The following AAMDC variants were observed in gnomAD, a reference collection of about 807,000 sequenced individuals.
The protein encoded by AAMDC is mth938 domain-containing protein.
A neutral mutation model predicts 15.5 loss-of-function variants in AAMDC; 16 were observed. That is an observed-to-expected ratio of 1.03 (90% CI 0.70 to 1.57). AAMDC has a LOEUF of 1.57. AAMDC is among the 40% of genes most tolerant of loss of function. The pLI is 0.00. For missense variants in AAMDC, 141 were observed against 144.9 expected (o/e 0.97, Z 0.14); for synonymous variants, 51 against 51.6 (o/e 0.99, Z 0.05).
At chr11:77,887,779 C>T (rs1952081421) in intron 5 of AAMDC, among the ~76,000 whole-genome samples, 2 of 152,312 alleles carry the variant, frequency 1.3e-5, no homozygotes, top group Admixed American at 1.3e-4. Context: ...ACGCCAATAA[C>T]AGACAAACAG....
intron 2 of AAMDC, among the ~76,000 whole-genome samples, 171 bp downstream of exon 2, chr11:77,842,799 T>G (rs1018625536): frequency 3.3e-5 from 5 of 152,228 alleles, no homozygotes; most frequent in Admixed American, 1.3e-4. Context: ...ACTTCTTACA[T>G]TCAATGCCCC....
chr11:77,885,332 C>G (rs1451145222), intron 5 of AAMDC, among the ~76,000 whole-genome samples: 1 of 152,082 alleles, frequency 6.6e-6, no homozygotes, highest in African/African-American at 2.4e-5. Context: ...CTACTTCAGC[C>G]TCCCAAAGTG....
At chr11:77,873,278 A>G (rs1565215302), downstream of AAMDC, among the ~76,000 whole-genome samples, 1 of 152,210 alleles carries the variant, frequency 6.6e-6, no homozygotes, top group African/African-American at 2.4e-5. Context: ...GAGTCATTGT[A>G]GGTATTAAAT....
At chr11:77,860,854 G>C in intron 2 of AAMDC, among the ~76,000 whole-genome samples, 1 of 152,200 alleles carries the variant, frequency 6.6e-6, no homozygotes, top group East Asian at 1.9e-4. Flanking sequence ...GTTAGGTACA[G>C]CTGGGTATAA....
chr11:77,884,705 C>T, intron 5 of AAMDC: 1 of 260,404 alleles, frequency 3.8e-6, no homozygotes, highest in Non-Finnish European at 8.3e-6. Context: ...CCCTATAATC[C>T]TTCATCTCTC....
chr11:77,844,799 A>T lies in AAMDC; in HGVS notation c.132+2171A>T, dbSNP rs115067020. On this transcript the variant is annotated intron_variant, in intron 2 of 3. Coordinates refer to ENST00000393427, the MANE Select transcript of AAMDC (RefSeq NM_024684.4). ...TTGTCGTTATTATTAATAATTTTTC[A>T]CATAGGAGTGGGTCAGTGGAGCGCC... 4.7e-3 allele frequency among the ~76,000 whole-genome samples: 709 copies of T among 152,276 alleles called. 5 individuals are homozygous for T. The highest frequency in any genetic ancestry group is 0.017 in the African/African-American group (691 of 41,566).
intron 2 of AAMDC, among the ~76,000 whole-genome samples, chr11:77,863,937 T>G (rs1358267334): frequency 2.0e-5 from 3 of 152,218 alleles, no homozygotes; most frequent in East Asian, 1.9e-4. Context: ...TGATCCCTTT[T>G]TTTTTTGAGA....
chr11:77,852,223 T>TGAAAA (rs1950415391), intron 2 of AAMDC, among the ~76,000 whole-genome samples: 1 of 2,076 alleles, frequency 4.8e-4, no homozygotes, highest in African/African-American at 2.6e-3. Flanking sequence ...AGACACTGTC[T>TGAAAA]CAAAAAAAAA....
At chr11:77,878,810 G>T in intron 5 of AAMDC, 1 of 759,764 alleles carries the variant, frequency 1.3e-6, no homozygotes, top group Non-Finnish European at 2.4e-6. Context: ...TTTATCCTGT[G>T]TTTGATACCA....
intron 5 of AAMDC, chr11:77,884,085 G>A (rs965760772): frequency 8.2e-6 from 7 of 854,462 alleles, no homozygotes; most frequent in Admixed American, 2.3e-5. Context: ...GAGCCTTGGG[G>A]GTAGGTCAAC....
intron 5 of AAMDC, chr11:77,879,125 C>A: frequency 6.2e-7 from 1 of 1,612,952 alleles, no homozygotes. Flanking sequence ...ACCTGGCATG[C>A]CTCTGAAAAA....
intron 5 of AAMDC, among the ~76,000 whole-genome samples, chr11:77,890,131 C>T (rs1952200669): frequency 1.3e-5 from 2 of 152,184 alleles, no homozygotes; most frequent in Non-Finnish European, 2.9e-5. Context: ...TGAAGGTGGA[C>T]AACCACTAAT....
Position 77,842,526 on chromosome 11 carries a change from A to G in AAMDC, c.30A>G (p.Ser10=), listed in dbSNP as rs1949974032. 3 of 1,613,866 alleles carry G rather than the reference A, an allele frequency of 1.9e-6. No individual in the cohort carries two copies. Among genetic ancestry groups the G allele is most frequent in the East Asian group, 2.2e-5 (1 of 44,880 alleles). Residue 10 remains serine, a synonymous_variant, in exon 2 of 4, where the codon TCA becomes TCG. Coordinates refer to ENST00000393427, the MANE Select transcript of AAMDC (RefSeq NM_024684.4). ...CTTCCCCTGAAATTGCTTCCTTATC[A>G]TGGGGGCAAATGAAAGTAAAAGGCT... MTSPEIASL[S]WGQMKVKGSN...
At chr11:77,822,472 A>C (rs914451190) in intron 1 of AAMDC, among the ~76,000 whole-genome samples, 32 of 152,088 alleles carry the variant, frequency 2.1e-4, no homozygotes, top group Admixed American at 6.5e-4. Flanking sequence ...CCATGTAAAA[A>C]AGAGAAATCT....
At chr11:77,893,378 G>A (rs1321775988) in intron 5 of AAMDC, among the ~76,000 whole-genome samples, 1 of 152,170 alleles carries the variant, frequency 6.6e-6, no homozygotes, top group African/African-American at 2.4e-5. Context: ...GGCAGAGGCA[G>A]GAGGATCTCT....
chr11:77,849,606 G>T (rs598071), intron 2 of AAMDC, among the ~76,000 whole-genome samples: 33,786 of 151,454 alleles, frequency 0.22, 3,832 homozygotes, highest in Middle Eastern at 0.26. Flanking sequence ...TGATCCTTTT[G>T]CCTTGGCCTC....
At chr11:77,866,202 G>A (rs545415556) in intron 2 of AAMDC, among the ~76,000 whole-genome samples, 1 of 152,290 alleles carries the variant, frequency 6.6e-6, no homozygotes, top group Admixed American at 6.5e-5. Context: ...AGACAGACAG[G>A]ATGCCATCTT....
At chr11:77,854,187 T>G (rs1035264393) in intron 2 of AAMDC, among the ~76,000 whole-genome samples, 1 of 151,562 alleles carries the variant, frequency 6.6e-6, no homozygotes, top group Admixed American at 6.6e-5. Context: ...AGAGACGGGG[T>G]TTCATCGTGT....
intron 1 of AAMDC, among the ~76,000 whole-genome samples, chr11:77,840,433 G>T (rs963764299): frequency 3.3e-5 from 5 of 152,144 alleles, no homozygotes; most frequent in African/African-American, 1.2e-4. Context: ...GGAGGCTGAG[G>T]CAGGATAATC....
Sources: gnomAD v4.1 joint callset for allele counts (sites outside exome capture counted in the v4.1 genomes callset) on GRCh38, gnomAD v4.1.1 for gene constraint, MANE v1.5 for transcripts, NCBI Gene and HGNC (gene_info 2026-07-23, HGNC 2026-07-21) for gene names.